ENO3: variants seen among roughly 807,000 people sequenced by gnomAD.
The protein encoded by ENO3 is enolase 3.
ENO3 carries 46 observed loss-of-function variants against 47.7 expected under a neutral mutation model. The observed-to-expected ratio is 0.96, with a 90% CI of 0.76 to 1.23. The LOEUF is 1.23. Ranked by LOEUF, ENO3 falls within the 50% of genes most tolerant of loss-of-function variation. The pLI is 0.00. For synonymous variants in ENO3, 223 were observed against 225.9 expected, an observed-to-expected ratio of 0.99 and a Z score of 0.11; for missense variants, 575 against 566.2, an observed-to-expected ratio of 1.02 and a Z score of -0.16.
chr17:4,953,234 C>T, intron 4 of ENO3, 38 bp from the exon 5 acceptor site: 1 of 1,613,820 alleles, frequency 6.2e-7, no homozygotes, highest in Non-Finnish European at 8.5e-7. Context: ...TCTGAGAAAT[C>T]TGACCTCTGC....
At chr17:4,954,091 C>T (rs747486721) in intron 6 of ENO3, 10 of 611,326 alleles carry the variant, frequency 1.6e-5, no homozygotes, top group African/African-American at 7.4e-5. Flanking sequence ...ATCCTAGGCT[C>T]GATAACTCCA....
At chr17:4,950,539 T>C (rs987429269), upstream of ENO3, 26 of 985,108 alleles carry the variant, frequency 2.6e-5, no homozygotes, top group Non-Finnish European at 3.1e-5. Flanking sequence ...TCTAAATTCG[T>C]TTCCTGTCCC....
chr17:4,951,268 T>G, intron 1 of ENO3, 86 bp downstream of exon 1: 1 of 1,007,882 alleles, frequency 9.9e-7, no homozygotes, highest in East Asian at 9.6e-5. Context: ...ACATTTCTGC[T>G]TTTTTTCCTC....
chr17:4,953,458 G>A, intron 5 of ENO3, 117 bp downstream of exon 5: 1 of 1,470,504 alleles, frequency 6.8e-7, no homozygotes. Flanking sequence ...CACCGCAGCT[G>A]GATGGATTTG....
chr17:4,951,704 T>TTG, intron 1 of ENO3, 124 bp from the exon 2 acceptor site: 2 of 1,064,250 alleles, frequency 1.9e-6, no homozygotes. Context: ...TGTGACCTTT[T>TTG]TGTAGGGTAT....
chr17:4,954,870 C>T (rs1188548559), intron 6 of ENO3, among the ~76,000 whole-genome samples: 1 of 146,742 alleles, frequency 6.8e-6, no homozygotes, highest in African/African-American at 2.5e-5. Flanking sequence ...GCACTCCAGC[C>T]TGGTGACAAA....
intron 5 of ENO3, 140 bp from the exon 6 acceptor site, chr17:4,953,572 A>G (rs1270972544): frequency 1.3e-6 from 2 of 1,527,712 alleles, no homozygotes; most frequent in African/African-American, 1.4e-5. Flanking sequence ...GGGGGTTCCC[A>G]GGGCTACTCA....
intron 6 of ENO3, 34 bp from the exon 7 acceptor site, chr17:4,955,041 C>A: frequency 6.2e-7 from 1 of 1,606,178 alleles, no homozygotes; most frequent in East Asian, 2.2e-5. Context: ...TCTCATGCCC[C>A]GGCCCAGGTC....
In ENO3 at chr17:4,956,835, A is replaced by G. The variant is rs755092071; in HGVS notation, c.1181A>G (p.Lys394Arg). The G allele has an allele frequency of 4.3e-6, 7 of 1,614,122 alleles. No homozygotes were observed. The Admixed American group carries it at 1.2e-4, about 27-fold the overall frequency. ...AAATTCTTCTTCCCTCATCAGATCA[A>G]GACTGGCGCCCCCTGCCGCTCGGAG... ...LVVGLCTGQI[K>R]TGAPCRSERL... The change falls in exon 11 of 12, where the codon AAG becomes AGG. Residue 394 changes from lysine (K) to arginine (R), a missense_variant. By Grantham distance (26) the Lys-to-Arg change is conservative. Coordinates refer to ENST00000519602, the MANE Select transcript of ENO3 (RefSeq NM_053013.4).
chr17:4,955,626 G>C lies in ENO3; in HGVS notation c.865+22G>C, dbSNP rs777450548. On this transcript the variant is annotated intron_variant, in intron 8 of 11. Transcript: ENST00000519602. ...CCTGGTGAGGCGTTCGGGTGTCCCAGTGTTCCTGCCCGAATCCCGTGCAGC... is the reference window on the plus strand; with the variant it reads ...CCTGGTGAGGCGTTCGGGTGTCCCACTGTTCCTGCCCGAATCCCGTGCAGC... 1.1e-5 allele frequency: 18 copies of C among 1,614,148 alleles called. No homozygotes were observed. In the Admixed American group the frequency reaches 2.7e-4, roughly 24 times the overall value.
At chr17:4,956,496 G>C (rs1054347044) in intron 9 of ENO3, 77 bp from the exon 10 acceptor site, 1 of 1,435,980 alleles carries the variant, frequency 7.0e-7, no homozygotes, top group Non-Finnish European at 9.8e-7. Flanking sequence ...CAAAACAGAA[G>C]GGAGAGGCCC....
At chr17:4,954,212 C>CT in intron 6 of ENO3, 1 of 326,980 alleles carries the variant, frequency 3.1e-6, no homozygotes, top group Non-Finnish European at 5.8e-6. Flanking sequence ...CCAGTGCCTT[C>CT]TTGATGAATG....
chr17:4,951,854 C>T lies in ENO3; in HGVS notation c.25C>T (p.Arg9Trp), dbSNP rs780245296. MAMQKIFA[R>W]EILDSRGNPT... ...CATGGCCATGCAGAAAATCTTTGCCCGGGAAATCTTGGACTCCAGGGGCAA... is the reference window on the plus strand; with the variant it reads ...CATGGCCATGCAGAAAATCTTTGCCTGGGAAATCTTGGACTCCAGGGGCAA... Residue 9 changes from arginine (R) to tryptophan (W), a missense_variant, in exon 2 of 12, where the codon CGG becomes TGG. By Grantham distance (101) the Arg-to-Trp change is moderately radical (BLOSUM62 -3). Transcript: ENST00000519602. 6.8e-6 allele frequency: 11 copies of T among 1,614,000 alleles called. No homozygotes were observed. Among genetic ancestry groups the T allele is most frequent in the South Asian group, 4.4e-5 (4 of 91,084 alleles).
upstream of ENO3, among the ~76,000 whole-genome samples, chr17:4,950,013 G>C (rs532583939): frequency 6.4e-4 from 97 of 151,372 alleles, no homozygotes; most frequent in African/African-American, 2.1e-3. Flanking sequence ...GGGGAGACTG[G>C]ACGGGTGGCG....
At position 4,952,497 on chromosome 17, in the gene ENO3, G is replaced by A. The variant is rs1289246304; in HGVS notation, c.86-298G>A. ...TAGCTGGGACTACAGCTAATTTTTT[G>A]TATTTTTAGTAGAGATGGGGTTTCA... On this transcript the variant is annotated intron_variant, in intron 2 of 11. Transcript: ENST00000519602. 7 of 386,308 alleles carry A rather than the reference G, an allele frequency of 1.8e-5. No individual in the cohort carries two copies. In the East Asian group the frequency reaches 3.8e-4, roughly 21 times the overall value. The allele number at this position is 386,308 out of a possible 1,614,324, so 23.9% of individuals were successfully genotyped here. A position where few individuals can be genotyped will look rare whatever the true frequency, so the allele number is the denominator to read the frequency against.
intron 3 of ENO3, 24 bp downstream of exon 3, chr17:4,952,914 G>C: frequency 6.2e-7 from 1 of 1,611,382 alleles, no homozygotes; most frequent in Non-Finnish European, 8.5e-7. Flanking sequence ...AGCGCAGAAG[G>C]AGCCTGTGTG....
intron 1 of ENO3, 83 bp downstream of exon 1, chr17:4,951,265 T>G: frequency 9.9e-7 from 1 of 1,008,876 alleles, no homozygotes; most frequent in Non-Finnish European, 1.2e-6. Flanking sequence ...GGGACATTTC[T>G]GCTTTTTTTC....
Position 4,953,115 on chromosome 17 carries a change from T to C in ENO3, c.240+6T>C. 6.2e-7 allele frequency: 1 copy of C among 1,614,086 alleles called. No individual in the cohort carries two copies. The highest frequency in any genetic ancestry group is 8.5e-7 in the Non-Finnish European group (1 of 1,179,950). ...GCCCTGCTCTGCTGCAAAAGGCAAG[T>C]GGGGAAGCCCGCTCGCTGCAGCCTC... On this transcript the variant is annotated splice_donor_region_variant and intron_variant, in intron 4 of 11. Coordinates refer to ENST00000519602, the MANE Select transcript of ENO3 (RefSeq NM_053013.4).
intron 4 of ENO3, 26 bp from the exon 5 acceptor site, chr17:4,953,246 C>T (rs1339846884): frequency 1.2e-6 from 2 of 1,614,016 alleles, no homozygotes; most frequent in Non-Finnish European, 1.7e-6. Flanking sequence ...GACCTCTGCT[C>T]TCCCTTCTCA....
Sources: gnomAD v4.1 joint callset for allele counts (sites outside exome capture counted in the v4.1 genomes callset) on GRCh38, gnomAD v4.1.1 for gene constraint, MANE v1.5 for transcripts, NCBI Gene and HGNC (gene_info 2026-07-23, HGNC 2026-07-21) for gene names.